The following SOX30 variants were observed in gnomAD, a reference collection of about 807,000 sequenced individuals.
SOX30 encodes SRY-box transcription factor 30.
A neutral mutation model predicts 58.6 loss-of-function variants in SOX30; 17 were observed. That is an observed-to-expected ratio of 0.29 (90% CI 0.20 to 0.44). SOX30 has a LOEUF of 0.44. Ranked by LOEUF, SOX30 falls within the 20% of genes least tolerant of loss-of-function variation. The probability of loss-of-function intolerance (pLI) is 1.00; values close to 1 mark genes in which losing one functional copy is unlikely to be tolerated. For synonymous variants in SOX30, 421 were observed against 400.2 expected, an observed-to-expected ratio of 1.05 and a Z score of -0.62; for missense variants, 951 against 965.8, an observed-to-expected ratio of 0.98 and a Z score of 0.20.
chr5:157,653,216 G>A (rs1486733795), upstream of SOX30, among the ~76,000 whole-genome samples: 5 of 151,984 alleles, frequency 3.3e-5, no homozygotes, highest in Admixed American at 2.6e-4. Context: ...AGCTCAACTG[G>A]GACTTCTTCA....
In SOX30 at chr5:157,671,062, A is replaced by C. The variant is rs138331795; in HGVS notation, c.-4+268T>G. Among the ~76,000 whole-genome samples, 620 of 152,312 alleles carry C rather than the reference A, an allele frequency of 4.1e-3. 5 individuals are homozygous for C. The highest frequency in any genetic ancestry group is 0.014 in the African/African-American group (581 of 41,568). On this transcript the variant is annotated intron_variant, in intron 1 of 5. Transcript: ENST00000519442. Reference sequence around the variant, plus strand: ...CCCGCAGGAGATGGCGGATTCATTCAGGAAGCAGCCGCTCCGGGAAGCCTT... The same window carrying C: ...CCCGCAGGAGATGGCGGATTCATTCCGGAAGCAGCCGCTCCGGGAAGCCTT...
chr5:157,629,218 C>G (rs931055118), intron 4 of SOX30, among the ~76,000 whole-genome samples: 1 of 152,132 alleles, frequency 6.6e-6, no homozygotes, highest in East Asian at 1.9e-4. Context: ...AATACCCTGA[C>G]TTGATCATTA....
chr5:157,661,209 C>T (rs974393460), intron 2 of SOX30, among the ~76,000 whole-genome samples: 2 of 152,256 alleles, frequency 1.3e-5, no homozygotes, highest in African/African-American at 4.8e-5. Flanking sequence ...TTGCCTTGCA[C>T]CCAGTCTTAG....
chr5:157,668,688 G>T (rs1230765534), intron 1 of SOX30, among the ~76,000 whole-genome samples: 1 of 152,162 alleles, frequency 6.6e-6, no homozygotes, highest in East Asian at 1.9e-4. Flanking sequence ...GGCTTTTCCT[G>T]ATCAGTGATG....
intron 2 of SOX30, among the ~76,000 whole-genome samples, chr5:157,666,913 C>T (rs1207517680): frequency 2.0e-5 from 3 of 152,112 alleles, no homozygotes; most frequent in Admixed American, 2.0e-4. Context: ...ATCATGTTGG[C>T]CAGGCTGGTC....
chr5:157,630,580 T>C (rs1581387766), intron 4 of SOX30, among the ~76,000 whole-genome samples: 1 of 151,980 alleles, frequency 6.6e-6, no homozygotes, highest in Non-Finnish European at 1.5e-5. Context: ...AGAAATTTGA[T>C]AGAGATTTCC....
chr5:157,671,341 T>G, exon 1 of SOX30: 2 of 485,794 alleles, frequency 4.1e-6, no homozygotes, highest in Non-Finnish European at 3.6e-6. Context: ...GCACCCCACT[T>G]CTTCCAGACC....
At chr5:157,643,376 C>T (rs1454306814) in intron 3 of SOX30, among the ~76,000 whole-genome samples, 6 of 152,142 alleles carry the variant, frequency 3.9e-5, no homozygotes, top group South Asian at 4.1e-4. Flanking sequence ...GCTGAGGTCG[C>T]GCCACTGCAC....
At chr5:157,644,977 T>A (rs1759153010) in intron 3 of SOX30, among the ~76,000 whole-genome samples, 1 of 152,102 alleles carries the variant, frequency 6.6e-6, no homozygotes, top group Non-Finnish European at 1.5e-5. Context: ...CAAGACTCTG[T>A]CTTAAAAAAT....
chr5:157,633,249 G>A (rs1405902282), intron 4 of SOX30, among the ~76,000 whole-genome samples: 1 of 152,084 alleles, frequency 6.6e-6, no homozygotes, highest in East Asian at 1.9e-4. Flanking sequence ...TTTAGAGACA[G>A]GATCACAATT....
rs60775201 is a variant in SOX30, at chr5:157,652,288, G to T, written c.-210C>A. ...CAGGCGGGTTTTCCGGCTCTTCCTG[G>T]TCCCTACTCTCGCCTCGTGCTGAGT... is the stretch of plus-strand genomic sequence containing the variant. On this transcript the variant is annotated 5_prime_UTR_variant, in exon 1 of 5. Transcript: ENST00000265007. The T allele has an allele frequency of 1.0e-5, 13 of 1,248,450 alleles. No individual in the cohort carries two copies. The highest frequency in any genetic ancestry group is 1.1e-5 in the Non-Finnish European group (11 of 999,544). The allele number at this position is 1,248,450 out of a possible 1,614,324, so 77.3% of individuals were successfully genotyped here. A position where few individuals can be genotyped will look rare whatever the true frequency, so the allele number is the denominator to read the frequency against.
At chr5:157,662,962 A>C (rs773619894) in intron 2 of SOX30, among the ~76,000 whole-genome samples, 1 of 152,200 alleles carries the variant, frequency 6.6e-6, no homozygotes, top group Non-Finnish European at 1.5e-5. Flanking sequence ...TTGAGGCAAT[A>C]ATTAATAGCC....
chr5:157,650,059 T>G (rs1276554455), intron 1 of SOX30, among the ~76,000 whole-genome samples: 1 of 152,118 alleles, frequency 6.6e-6, no homozygotes, highest in African/African-American at 2.4e-5. Flanking sequence ...AAAAAGAAAG[T>G]CACAGAGCCA....
chr5:157,663,089 C>G (rs1195755590), intron 2 of SOX30, among the ~76,000 whole-genome samples: 1 of 152,180 alleles, frequency 6.6e-6, no homozygotes, highest in African/African-American at 2.4e-5. Context: ...GAAATCCTCC[C>G]TAACTCATTT....
intron 2 of SOX30, among the ~76,000 whole-genome samples, chr5:157,665,162 G>A (rs1759646763): frequency 6.6e-6 from 1 of 152,062 alleles, no homozygotes; most frequent in South Asian, 2.1e-4. Flanking sequence ...TGTTTATTGT[G>A]GCACTATTCA....
intron 3 of SOX30, among the ~76,000 whole-genome samples, chr5:157,640,324 C>T (rs1759032186): frequency 6.6e-6 from 1 of 152,062 alleles, no homozygotes; most frequent in Admixed American, 6.6e-5. Flanking sequence ...ATAAAAGTTC[C>T]AAAGCCTTTA....
chr5:157,645,954 A>C (rs1374202271), intron 3 of SOX30, among the ~76,000 whole-genome samples: 1 of 150,296 alleles, frequency 6.7e-6, no homozygotes, highest in Non-Finnish European at 1.5e-5. Context: ...CAGGAAGCGG[A>C]GGTTGTGGTG....
In SOX30 at chr5:157,646,712, T is replaced by A; in HGVS notation, c.1312A>T (p.Thr438Ser). The A allele has an allele frequency of 6.2e-7, 1 of 1,613,024 alleles. No individual in the cohort carries two copies. The highest frequency in any genetic ancestry group is 1.1e-5 in the South Asian group (1 of 91,066). Residue 438 changes from threonine (T) to serine (S), a missense_variant, in exon 3 of 5, where the codon ACA becomes TCA. This residue lies in a region of SOX30 where 381 missense variants were observed against 390.0 expected (regional missense o/e 0.98). Transcript: ENST00000265007. ...GTAGGTGAGCGGTAAGGATAAACTGTTGTAGGATTTGTAGAGATGATATTC... is the reference window on the plus strand; with the variant it reads ...GTAGGTGAGCGGTAAGGATAAACTGATGTAGGATTTGTAGAGATGATATTC... ...TQNIISTNPT[T>S]VYPYRSPTYS...
At chr5:157,662,715 C>T (rs1355747820) in intron 2 of SOX30, among the ~76,000 whole-genome samples, 6 of 152,158 alleles carry the variant, frequency 3.9e-5, no homozygotes, top group African/African-American at 1.4e-4. Flanking sequence ...GGACATGCCT[C>T]ATTACACTCC....
Sources: allele counts gnomAD v4.1 joint callset (sites outside exome capture counted in the v4.1 genomes callset), GRCh38; gene constraint gnomAD v4.1.1; regional missense constraint gnomAD v4.1.1; transcripts MANE v1.5; gene names NCBI Gene and HGNC (gene_info 2026-07-23, HGNC 2026-07-21).